The following SGCZ variants were observed in gnomAD, a reference collection of about 807,000 sequenced individuals.
SGCZ encodes the protein sarcoglycan zeta.
SGCZ carries 40 observed loss-of-function variants against 41.3 expected under a neutral mutation model. The observed-to-expected ratio is 0.97, with a 90% CI of 0.75 to 1.26. The LOEUF (loss-of-function observed/expected upper bound fraction) is 1.26, where lower values mean the gene tolerates loss of function less well. Among genes scored for constraint, SGCZ ranks in the 50% most tolerant of loss-of-function variants. The pLI is 0.00. For missense variants in SGCZ, 552 were observed against 369.8 expected (o/e 1.49, Z -4.04); for synonymous variants, 206 against 137.5 (o/e 1.50, Z -3.49).
intron 1 of SGCZ, among the ~76,000 whole-genome samples, chr8:15,162,263 A>T (rs1277416824): frequency 6.6e-6 from 1 of 152,220 alleles, no homozygotes; most frequent in Non-Finnish European, 1.5e-5. Context: ...TAGATTAAAG[A>T]CACATAAAGA....
intron 1 of SGCZ, among the ~76,000 whole-genome samples, chr8:14,779,591 T>C (rs1418693711): frequency 6.6e-6 from 1 of 152,188 alleles, no homozygotes; most frequent in Non-Finnish European, 1.5e-5. Flanking sequence ...GAAATAGATA[T>C]TCAATGAAAA....
rs550531978 is a variant in SGCZ at position 14,689,864 on chromosome 8, C to T, written c.40-134938G>A. 3.9e-5 allele frequency among the ~76,000 whole-genome samples: 6 copies of T among 152,122 alleles called. 1 individual carries two copies. In the South Asian group the frequency reaches 1.2e-3, roughly 32 times the overall value. ...TGAGCAAAGTGAGGACAGAGAACACCAAGGAGAAAAATGGGCGGAGACTGG... is the reference window on the plus strand; with the variant it reads ...TGAGCAAAGTGAGGACAGAGAACACTAAGGAGAAAAATGGGCGGAGACTGG... On this transcript the variant is annotated intron_variant, in intron 1 of 7. Coordinates refer to ENST00000382080, the MANE Select transcript of SGCZ (RefSeq NM_139167.4).
chr8:14,475,764 A>AT lies in SGCZ; in HGVS notation c.234+78967dup, dbSNP rs572723511. ...CAAGTTCCATATCAATGATATATAT[A>AT]TACACACACACAACAAGCAATATAT... On this transcript the variant is annotated intron_variant, in intron 2 of 7. Coordinates refer to ENST00000382080, the MANE Select transcript of SGCZ (RefSeq NM_139167.4). 6.2e-4 allele frequency among the ~76,000 whole-genome samples: 94 copies of AT among 152,310 alleles called. No homozygotes were observed. In the East Asian group the frequency reaches 6.8e-3, roughly 11 times the overall value.
At chr8:14,453,419 TTTTG>T (rs1386019936) in intron 2 of SGCZ, among the ~76,000 whole-genome samples, 1 of 152,200 alleles carries the variant, frequency 6.6e-6, no homozygotes, top group African/African-American at 2.4e-5. Context: ...AACAAGACAT[TTTTG>T]TTTATTTTGT....
intron 1 of SGCZ, among the ~76,000 whole-genome samples, chr8:14,818,693 A>C (rs1006392497): frequency 2.6e-5 from 4 of 152,156 alleles, no homozygotes; most frequent in African/African-American, 9.7e-5. Flanking sequence ...AAGTCAAGAA[A>C]ACAATTTATG....
chr8:14,221,912 G>T (rs1237502364), intron 4 of SGCZ, among the ~76,000 whole-genome samples: 1 of 151,372 alleles, frequency 6.6e-6, no homozygotes, highest in Non-Finnish European at 1.5e-5. Context: ...AGTGAGCCGA[G>T]ATCATGCCAC....
intron 2 of SGCZ, among the ~76,000 whole-genome samples, chr8:14,477,747 G>A (rs1801402422): frequency 6.6e-6 from 1 of 152,142 alleles, no homozygotes; most frequent in Non-Finnish European, 1.5e-5. Flanking sequence ...GTTCACACAT[G>A]TAAAAGAGAA....
intron 2 of SGCZ, among the ~76,000 whole-genome samples, chr8:14,537,484 A>G (rs954476800): frequency 2.0e-5 from 3 of 151,848 alleles, no homozygotes; most frequent in African/African-American, 7.2e-5. Context: ...ATATTTCAAT[A>G]TTTGGCCTCA....
chr8:14,935,113 G>T (rs1800042421), intron 1 of SGCZ, among the ~76,000 whole-genome samples: 1 of 150,466 alleles, frequency 6.6e-6, no homozygotes. Context: ...AACACAAAAA[G>T]TGCAAGTATA....
At chr8:14,825,308 C>G (rs1340729679) in intron 1 of SGCZ, among the ~76,000 whole-genome samples, 1 of 152,178 alleles carries the variant, frequency 6.6e-6, no homozygotes, top group Non-Finnish European at 1.5e-5. Flanking sequence ...ACTTATCTCT[C>G]ACTATTCTTG....
At chr8:14,820,814 T>C (rs1802053087) in intron 1 of SGCZ, among the ~76,000 whole-genome samples, 1 of 150,000 alleles carries the variant, frequency 6.7e-6, no homozygotes, top group Admixed American at 6.6e-5. Context: ...CAACAAAACC[T>C]ATGGAACATA....
intron 1 of SGCZ, among the ~76,000 whole-genome samples, chr8:15,066,250 G>C (rs901541688): frequency 6.6e-6 from 1 of 150,516 alleles, no homozygotes; most frequent in African/African-American, 2.4e-5. Flanking sequence ...GGAGCTTGCC[G>C]TGAGCCGAGA....
intron 5 of SGCZ, among the ~76,000 whole-genome samples, chr8:14,140,048 C>A (rs192236679): frequency 4.7e-5 from 7 of 148,592 alleles, no homozygotes. Flanking sequence ...AATCAATAGA[C>A]GTAACAGAAC....
At chr8:15,088,442 G>C (rs968041881) in intron 1 of SGCZ, among the ~76,000 whole-genome samples, 1 of 152,006 alleles carries the variant, frequency 6.6e-6, no homozygotes. Flanking sequence ...AAAATTTAAT[G>C]TGTTTCTCTA....
At chr8:14,382,223 C>T (rs75818775) in intron 2 of SGCZ, among the ~76,000 whole-genome samples, 1,594 of 152,180 alleles carry the variant, frequency 0.01, 25 homozygotes, top group African/African-American at 0.035. Flanking sequence ...CCCCCTTGAG[C>T]TCTTCTGTGT....
At chr8:14,790,752 C>G (rs935170178) in intron 1 of SGCZ, among the ~76,000 whole-genome samples, 5 of 152,024 alleles carry the variant, frequency 3.3e-5, no homozygotes, top group African/African-American at 1.2e-4. Flanking sequence ...AGTATACAGC[C>G]AGGAACGTTG....
intron 1 of SGCZ, among the ~76,000 whole-genome samples, chr8:15,076,407 C>T (rs150100336): frequency 6.6e-6 from 1 of 152,064 alleles, no homozygotes; most frequent in Non-Finnish European, 1.5e-5. Flanking sequence ...ACTGTGATTG[C>T]AGAAAGAGTT....
chr8:14,363,205 T>C (rs951281061), intron 2 of SGCZ, among the ~76,000 whole-genome samples: 6 of 152,184 alleles, frequency 3.9e-5, no homozygotes, highest in African/African-American at 1.4e-4. Flanking sequence ...ACAGGTCCTA[T>C]AATGACACTT....
At chr8:14,815,685 T>C (rs1210221081) in intron 1 of SGCZ, among the ~76,000 whole-genome samples, 1 of 152,216 alleles carries the variant, frequency 6.6e-6, no homozygotes, top group Admixed American at 6.5e-5. Flanking sequence ...TGTGAACAAC[T>C]ATTCCATTCA....
Sources: gnomAD v4.1 joint callset for allele counts (sites outside exome capture counted in the v4.1 genomes callset) on GRCh38, gnomAD v4.1.1 for gene constraint, MANE v1.5 for transcripts, NCBI Gene and HGNC (gene_info 2026-07-23, HGNC 2026-07-21) for gene names.